The following HFM1 variants were observed in gnomAD, a reference collection of about 807,000 sequenced individuals.
The protein encoded by HFM1 is helicase for meiosis 1.
Under a neutral mutation model 192.1 loss-of-function variants are expected in HFM1, and 169 were observed. The ratio of observed to expected loss-of-function variants is 0.88; its 90% CI spans 0.78 to 1.00. The LOEUF is 1.00. HFM1 is among the 50% of genes least tolerant of loss of function. The pLI is 0.00. For synonymous variants in HFM1, 525 were observed against 537.8 expected, an observed-to-expected ratio of 0.98 and a Z score of 0.33; for missense variants, 1,661 against 1,668.0, an observed-to-expected ratio of 1.00 and a Z score of 0.07.
rs374636425 is a variant in HFM1, at chr1:91,351,571, A to G, written c.2050T>C (p.Cys684Arg). The G allele has an allele frequency of 1.6e-5, 25 of 1,591,498 alleles. No homozygotes were observed. The African/African-American group carries it at 3.2e-4, about 21-fold the overall frequency. The change falls in exon 17 of 39, where the codon TGT becomes CGT. Residue 684 changes from cysteine (C) to arginine (R), a missense_variant. Physicochemically the swap from Cys to Arg is radical, Grantham distance 180. Coordinates refer to ENST00000370425, the MANE Select transcript of HFM1 (RefSeq NM_001017975.6). The part of the protein sequence containing the change: ...TRDKYIQMLA[C>R]RDTVESSLHR... The stretch of plus-strand genomic sequence containing the variant: ...TACCTGCTTTCTACAGTGTCTCTAC[A>G]AGCTAACATCTGAATGTACTTGTCC...
chr1:91,270,075 T>C (rs1289777484), intron 34 of HFM1, among the ~76,000 whole-genome samples: 1 of 152,158 alleles, frequency 6.6e-6, no homozygotes, highest in African/African-American at 2.4e-5. Context: ...ACCAGATATG[T>C]CTGTCAGATC....
chr1:91,399,808 T>A (rs191592556), intron 2 of HFM1, among the ~76,000 whole-genome samples: 296 of 152,274 alleles, frequency 1.9e-3, no homozygotes, highest in Non-Finnish European at 1.8e-3. Flanking sequence ...TGAAATTTCA[T>A]TGCATGAACA....
chr1:91,357,118 A>G (rs1657855000), intron 13 of HFM1, among the ~76,000 whole-genome samples: 1 of 152,206 alleles, frequency 6.6e-6, no homozygotes, highest in African/African-American at 2.4e-5. Flanking sequence ...GGCTACTATC[A>G]CGTTGATACC....
intron 13 of HFM1, among the ~76,000 whole-genome samples, chr1:91,358,350 A>C (rs1231653344): frequency 1.3e-5 from 2 of 152,258 alleles, no homozygotes; most frequent in African/African-American, 4.8e-5. Context: ...TGACAGCAAA[A>C]CTGAGAAGGA....
chr1:91,391,333 G>C (rs1042887759), intron 4 of HFM1, among the ~76,000 whole-genome samples: 2 of 152,250 alleles, frequency 1.3e-5, no homozygotes, highest in African/African-American at 4.8e-5. Context: ...GAGGCATCAC[G>C]CTACCTAACT....
chr1:91,282,055 T>C (rs933264617), intron 30 of HFM1, among the ~76,000 whole-genome samples: 1 of 152,246 alleles, frequency 6.6e-6, no homozygotes, highest in African/African-American at 2.4e-5. Context: ...CTTTCATTCA[T>C]CCTAACTAGC....
At chr1:91,399,077 A>G (rs1664006037) in intron 2 of HFM1, among the ~76,000 whole-genome samples, 1 of 152,120 alleles carries the variant, frequency 6.6e-6, no homozygotes, top group Admixed American at 6.5e-5. Context: ...AAGTTCTACT[A>G]TTTTATTCAT....
In HFM1 at chr1:91,378,189, C is replaced by T; in HGVS notation, c.1237-6G>A. Reference sequence around the variant, plus strand: ...TCATCTTTTACAATATGTACCTAAGCAGGAAATCAAGAAAAAATCATTAGC... The same window carrying T: ...TCATCTTTTACAATATGTACCTAAGTAGGAAATCAAGAAAAAATCATTAGC... On this transcript the variant is annotated splice_region_variant and splice_polypyrimidine_tract_variant and intron_variant, in intron 10 of 38. Transcript: ENST00000370425. 1 of 1,567,168 alleles carries T rather than the reference C, an allele frequency of 6.4e-7. No homozygotes were observed. The highest frequency in any genetic ancestry group is 1.2e-5 in the South Asian group (1 of 83,300).
At position 91,396,433 on chromosome 1, in the gene HFM1, A is replaced by G. The variant is rs753761359; in HGVS notation, c.72-28T>C. The G allele has an allele frequency of 3.5e-6, 4 of 1,137,266 alleles. No individual in the cohort carries two copies. In the East Asian group the frequency reaches 7.4e-5, roughly 21 times the overall value. 70.4% of individuals were successfully genotyped at this position (1,137,266 alleles called of 1,614,324 possible). The stretch of plus-strand genomic sequence containing the variant: ...ATATAAAATATAAAAATGTGAGTAT[A>G]TATGTTAATAAAGATATAACATGAG... On this transcript the variant is annotated intron_variant, in intron 2 of 38. Transcript: ENST00000370425.
At chr1:91,309,301 G>A (rs1158437) in intron 30 of HFM1, among the ~76,000 whole-genome samples, 1 of 152,112 alleles carries the variant, frequency 6.6e-6, no homozygotes, top group African/African-American at 2.4e-5. Context: ...AAGGTAGACT[G>A]CCTATGCTGC....
At chr1:91,270,155 CAA>C (rs913976318) in intron 34 of HFM1, among the ~76,000 whole-genome samples, 7 of 151,896 alleles carry the variant, frequency 4.6e-5, no homozygotes, top group Admixed American at 2.0e-4. Context: ...TTGCAGTAAA[CAA>C]GAGAGAATGA....
rs1212977371 is a variant in HFM1 at position 91,375,648 on chromosome 1, T to G, written c.1475A>C (p.Gln492Pro). Residue 492 changes from glutamine (Q) to proline (P), a missense_variant, in exon 12 of 39, where the codon CAG becomes CCG. Coordinates refer to ENST00000370425, the MANE Select transcript of HFM1 (RefSeq NM_001017975.6). ...GCAGGGAAATCCAAGGACCACTTTC[T>G]GAAGTTTCACTGGTCTATGGCTCTC... Reference protein sequence around the residue: ...MDESHRPVKLQKVVLGFPCSS... With the variant: ...MDESHRPVKLPKVVLGFPCSS... The G allele has an allele frequency of 6.2e-7, 1 of 1,613,468 alleles. No individual in the cohort carries two copies. The highest frequency in any genetic ancestry group is 1.7e-5 in the Admixed American group (1 of 59,928).
At chr1:91,375,801 A>G in intron 11 of HFM1, 74 bp from the exon 12 acceptor site, 1 of 1,193,850 alleles carries the variant, frequency 8.4e-7, no homozygotes. Flanking sequence ...ACCCAATTAC[A>G]AAGCACTTTA....
At chr1:91,328,499 A>G in intron 20 of HFM1, 2 of 1,613,580 alleles carry the variant, frequency 1.2e-6, no homozygotes, top group Non-Finnish European at 1.7e-6. Flanking sequence ...ATGAGCACTT[A>G]TCAGTTCCTG....
At chr1:91,395,664 C>T (rs1378625474) in intron 3 of HFM1, among the ~76,000 whole-genome samples, 1 of 151,794 alleles carries the variant, frequency 6.6e-6, no homozygotes, top group Non-Finnish European at 1.5e-5. Flanking sequence ...CATTTTATTT[C>T]ATTAAAATAA....
rs753472335 is a variant in HFM1, at chr1:91,364,632, A to ATATATATTTTTTTTT, written c.1685+10725_1685+10726insAAAAAAAAATATATA. On this transcript the variant is annotated intron_variant, in intron 13 of 38. Transcript: ENST00000370425. ...CATATATATATATATATATATATAT[A>ATATATATTTTTTTTT]TTTTTTTTTTTTTTTTGAGACAGAG... Among the ~76,000 whole-genome samples the ATATATATTTTTTTTT allele has an allele frequency of 2.3e-3, 152 of 66,734 alleles. 1 individual carries two copies. The highest frequency in any genetic ancestry group is 3.2e-3 in the Non-Finnish European group (126 of 39,286). 43.8% of individuals were successfully genotyped at this position (66,734 alleles called of 152,430 possible). A position where few individuals can be genotyped will look rare whatever the true frequency, so the allele number is the denominator to read the frequency against.
chr1:91,380,449 A>G (rs2102009025), intron 7 of HFM1, among the ~76,000 whole-genome samples: 1 of 152,256 alleles, frequency 6.6e-6, no homozygotes, highest in Admixed American at 6.5e-5. Context: ...TTGTCAATGT[A>G]GACCTAGGAG....
At chr1:91,329,634 A>G (rs138647447) in intron 20 of HFM1, 3 of 719,902 alleles carry the variant, frequency 4.2e-6, no homozygotes, top group Non-Finnish European at 6.8e-6. Flanking sequence ...AGGTTTTTCT[A>G]GCGTGACCCT....
chr1:91,306,671 C>T (rs938535551), intron 30 of HFM1, among the ~76,000 whole-genome samples: 5 of 151,774 alleles, frequency 3.3e-5, no homozygotes, highest in African/African-American at 1.2e-4. Context: ...ATGTCCTTGT[C>T]AGGTTTTGAC....
Sources: gnomAD v4.1 joint callset for allele counts (sites outside exome capture counted in the v4.1 genomes callset) on GRCh38, gnomAD v4.1.1 for gene constraint, MANE v1.5 for transcripts, NCBI Gene and HGNC (gene_info 2026-07-23, HGNC 2026-07-21) for gene names.